The following PPP1R3B variants were observed in gnomAD, a reference collection of about 807,000 sequenced individuals.
The protein encoded by PPP1R3B is protein phosphatase 1 regulatory subunit 3B.
Under a neutral mutation model 14.6 loss-of-function variants are expected in PPP1R3B, and 8 were observed. That is an observed-to-expected ratio of 0.55 (90% CI 0.32 to 0.99). The LOEUF is 0.99. Ranked by LOEUF, PPP1R3B falls within the 50% of genes least tolerant of loss-of-function variation. The pLI, the probability that PPP1R3B is intolerant of heterozygous loss-of-function variation, is 0.04. For synonymous variants in PPP1R3B, 169 were observed against 142.0 expected (o/e 1.19, Z -1.35); for missense variants, 452 against 360.1 (o/e 1.26, Z -2.07).
chr8:9,148,452 G>C (rs1209267695), intron 1 of PPP1R3B, among the ~76,000 whole-genome samples: 1 of 152,208 alleles, frequency 6.6e-6, no homozygotes, highest in East Asian at 1.9e-4. Flanking sequence ...CTCAGGATCT[G>C]ATACCAGTTG....
At chr8:9,149,521 C>G (rs1563129821) in intron 1 of PPP1R3B, among the ~76,000 whole-genome samples, 1 of 152,086 alleles carries the variant, frequency 6.6e-6, no homozygotes, top group Non-Finnish European at 1.5e-5. Flanking sequence ...ACAAACAAAA[C>G]CAAACAAACA....
chr8:9,144,056 T>A (rs977706314), intron 1 of PPP1R3B, among the ~76,000 whole-genome samples: 19 of 152,024 alleles, frequency 1.2e-4, no homozygotes, highest in East Asian at 3.9e-4. Flanking sequence ...TGAAAAAAAA[T>A]TTTAAAGTGG....
At chr8:9,146,657 G>C (rs186212271) in intron 1 of PPP1R3B, among the ~76,000 whole-genome samples, 2 of 152,126 alleles carry the variant, frequency 1.3e-5, no homozygotes, top group African/African-American at 2.4e-5. Flanking sequence ...CAGAATGCAG[G>C]TGCTTAAACA....
chr8:9,146,243 A>C (rs1242296496), intron 1 of PPP1R3B, among the ~76,000 whole-genome samples: 1 of 152,222 alleles, frequency 6.6e-6, no homozygotes, highest in Non-Finnish European at 1.5e-5. Flanking sequence ...TAAAATCTCA[A>C]GTCTGAGAAT....
At chr8:9,142,927 G>T (rs1257056026) in intron 1 of PPP1R3B, among the ~76,000 whole-genome samples, 2 of 152,196 alleles carry the variant, frequency 1.3e-5, no homozygotes, top group Non-Finnish European at 2.9e-5. Flanking sequence ...CACTTAGGTT[G>T]ATTCCGTATC....
Position 9,141,163 on chromosome 8 carries a change from C to T in PPP1R3B, c.489G>A (p.Arg163=). The T allele has an allele frequency of 6.2e-7, 1 of 1,614,076 alleles. No homozygotes were observed. Among genetic ancestry groups the T allele is most frequent in the Non-Finnish European group, 8.5e-7 (1 of 1,180,004 alleles). ...AGCTCTTCCAGGTGTCGAACGTCAT[C>T]CTTATTTTCACGGTCTTCTCAAATG... The part of the protein sequence containing the change: ...NLAFEKTVKI[R]MTFDTWKSYT... Residue 163 remains arginine (R), a synonymous_variant, in exon 2 of 2, where the codon AGG becomes AGA. Transcript: ENST00000310455.
rs375865973 is a variant in PPP1R3B at position 9,137,843 on chromosome 8, G to C, written c.*2951C>G. 1.3e-5 allele frequency: 2 copies of C among 152,290 alleles called. No individual in the cohort carries two copies. The highest frequency in any genetic ancestry group is 1.5e-5 in the Non-Finnish European group (1 of 68,044). The allele number at this position is 152,290 out of a possible 1,614,324, so 9.4% of individuals were successfully genotyped here. On this transcript the variant is annotated 3_prime_UTR_variant, in exon 2 of 2. Coordinates refer to ENST00000310455, the MANE Select transcript of PPP1R3B (RefSeq NM_024607.4). ...TGAGCATCCCAGGTGTGCTGGCTGG[G>C]GGCTTGCATCCAGCACCCCCAGCAA...
rs1800929492 is a variant in PPP1R3B, at chr8:9,137,596, CG to C, written c.*3197del. The C allele has an allele frequency of 6.6e-6, 1 of 152,290 alleles. No individual in the cohort carries two copies. Among genetic ancestry groups the C allele is most frequent in the Non-Finnish European group, 1.5e-5 (1 of 68,146 alleles). 9.4% of individuals were successfully genotyped at this position (152,290 alleles called of 1,614,324 possible). On this transcript the variant is annotated 3_prime_UTR_variant, in exon 2 of 2. Transcript: ENST00000310455. ...CTCCCGAGGCCTTCTGAGAATTTCA[CG>C]GGACAGAACTGGGCCAAAAGGAAGA...
chr8:9,141,789 C>T, intron 1 of PPP1R3B, 121 bp from the exon 2 acceptor site: 2 of 953,910 alleles, frequency 2.1e-6, no homozygotes, highest in South Asian at 1.8e-5. Flanking sequence ...CTATGCCCAC[C>T]TGGCTACAGG....
chr8:9,140,965 G>A lies in PPP1R3B; in HGVS notation c.687C>T (p.Asn229=), dbSNP rs767705888. The A allele has an allele frequency of 1.4e-5, 23 of 1,614,156 alleles. No individual in the cohort carries two copies. The Middle Eastern group carries it at 4.9e-4, about 35-fold the overall frequency. ...QTYWDSNRGK[N]YRIIRAELKS... is the part of the protein sequence containing the mutation. The stretch of plus-strand genomic sequence containing the variant: ...TTAACTCAGCCCGGATGATCCTATA[G>A]TTCTTGCCTCTGTTGCTGTCCCAGT... Residue 229 remains asparagine, a synonymous_variant, in exon 2 of 2, where the codon AAC becomes AAT. Coordinates refer to ENST00000310455, the MANE Select transcript of PPP1R3B (RefSeq NM_024607.4).
chr8:9,140,918 T>C lies in PPP1R3B; in HGVS notation c.734A>G (p.Lys245Arg), dbSNP rs1248080868. 1.2e-6 allele frequency: 2 copies of C among 1,614,108 alleles called. No homozygotes were observed. Among genetic ancestry groups the C allele is most frequent in the African/African-American group, 2.7e-5 (2 of 74,922 alleles). Residue 245 changes from lysine to arginine, a missense_variant, in exon 2 of 2, where the codon AAG becomes AGG. Coordinates refer to ENST00000310455, the MANE Select transcript of PPP1R3B (RefSeq NM_024607.4). ...TCCCAAATCCGGTCCACTGTGGGGCTTGGTCATTCCCTGGGTAGATTTTAA... is the reference window on the plus strand; with the variant it reads ...TCCCAAATCCGGTCCACTGTGGGGCCTGGTCATTCCCTGGGTAGATTTTAA... ...AELKSTQGMTKPHSGPDLGIS... is the reference protein window; with the variant it reads ...AELKSTQGMTRPHSGPDLGIS...
Position 9,140,576 on chromosome 8 carries a change from C to A in PPP1R3B, c.*218G>T. On this transcript the variant is annotated 3_prime_UTR_variant, in exon 2 of 2. Coordinates refer to ENST00000310455, the MANE Select transcript of PPP1R3B (RefSeq NM_024607.4). ...TGGCTGCCACAGTGCGAAAGCGCGC[C>A]AGCCACCACTGCTCCTTTGAGTGAG... 1.7e-6 allele frequency: 1 copy of A among 601,880 alleles called. No homozygotes were observed. Among genetic ancestry groups the A allele is most frequent in the Non-Finnish European group, 2.9e-6 (1 of 343,336 alleles). The allele number at this position is 601,880 out of a possible 1,614,324, so 37.3% of individuals were successfully genotyped here. A position where few individuals can be genotyped will look rare whatever the true frequency, so the allele number is the denominator to read the frequency against.
chr8:9,150,061 A>C (rs1431842466), intron 1 of PPP1R3B, among the ~76,000 whole-genome samples: 2 of 152,050 alleles, frequency 1.3e-5, no homozygotes, highest in Non-Finnish European at 2.9e-5. Context: ...TTTTTTCCTA[A>C]ATACCTCAAC....
At chr8:9,143,772 G>GT (rs934872300) in intron 1 of PPP1R3B, among the ~76,000 whole-genome samples, 52 of 152,234 alleles carry the variant, frequency 3.4e-4, no homozygotes, top group Admixed American at 9.8e-4. Context: ...GTGAATATTT[G>GT]TTTTTTCCAC....
Position 9,140,989 on chromosome 8 carries a change from G to C in PPP1R3B, c.663C>G (p.Tyr221Ter), listed in dbSNP as rs1035639430. Residue 221 changes from tyrosine to a stop codon, truncating the protein, a stop_gained, in exon 2 of 2, where the codon TAC becomes TAG. Coordinates refer to ENST00000310455, the MANE Select transcript of PPP1R3B (RefSeq NM_024607.4). LOFTEE classifies it high-confidence loss of function. ...AVYYECNGQT[Y>*]WDSNRGKNYR... ...AGTTCTTGCCTCTGTTGCTGTCCCAGTACGTCTGTCCATTGCACTCGTAGT... is the reference window on the plus strand; with the variant it reads ...AGTTCTTGCCTCTGTTGCTGTCCCACTACGTCTGTCCATTGCACTCGTAGT... 1 of 1,614,154 alleles carries C rather than the reference G, an allele frequency of 6.2e-7. No individual in the cohort carries two copies.
At chr8:9,147,666 G>C (rs1165401221) in intron 1 of PPP1R3B, among the ~76,000 whole-genome samples, 2 of 151,974 alleles carry the variant, frequency 1.3e-5, no homozygotes, top group Admixed American at 1.3e-4. Flanking sequence ...CCTTGGTAGA[G>C]TTTCACTGTT....
chr8:9,146,416 T>C (rs942063298), intron 1 of PPP1R3B, among the ~76,000 whole-genome samples: 1 of 152,164 alleles, frequency 6.6e-6, no homozygotes, highest in Admixed American at 6.5e-5. Context: ...CCAAGTGTCT[T>C]CTGTAAAGAG....
chr8:9,147,649 C>T (rs903272305), intron 1 of PPP1R3B, among the ~76,000 whole-genome samples: 3 of 151,972 alleles, frequency 2.0e-5, no homozygotes, highest in African/African-American at 7.3e-5. Context: ...AGAGACTTAG[C>T]TGAAGACCTT....
In PPP1R3B at chr8:9,136,314, C is replaced by A. The variant is rs1318653170; in HGVS notation, c.*4480G>T. ...TTGAGATACAAACCAACCTCTCATA[C>A]CACACAAAGAACATCCATTCTTGGG... is the stretch of plus-strand genomic sequence containing the variant. On this transcript the variant is annotated 3_prime_UTR_variant, in exon 2 of 2. Transcript: ENST00000310455. 1 of 152,194 alleles carries A rather than the reference C, an allele frequency of 6.6e-6. No homozygotes were observed. The highest frequency in any genetic ancestry group is 1.5e-5 in the Non-Finnish European group (1 of 68,034). The allele number at this position is 152,194 out of a possible 1,614,324, so 9.4% of individuals were successfully genotyped here. A position where few individuals can be genotyped will look rare whatever the true frequency, so the allele number is the denominator to read the frequency against.
Sources: allele counts gnomAD v4.1 joint callset (sites outside exome capture counted in the v4.1 genomes callset), GRCh38; gene constraint gnomAD v4.1.1; transcripts MANE v1.5; gene names NCBI Gene and HGNC (gene_info 2026-07-23, HGNC 2026-07-21).